The following EYA1 variants were observed in gnomAD, a reference collection of about 807,000 sequenced individuals.
EYA1 encodes EYA transcriptional coactivator and phosphatase 1.
EYA1 carries 16 observed loss-of-function variants against 82.0 expected under a neutral mutation model. That is an observed-to-expected ratio of 0.20 (90% CI 0.13 to 0.30). The LOEUF is 0.30. Among genes scored for constraint, EYA1 ranks in the 10% least tolerant of loss-of-function variants. The pLI is 1.00. For synonymous variants in EYA1, 261 were observed against 264.4 expected (o/e 0.99, Z 0.12); for missense variants, 633 against 730.7 (o/e 0.87, Z 1.54).
chr8:71,444,038 A>G (rs144458860), intron 2 of EYA1, among the ~76,000 whole-genome samples: 1 of 152,212 alleles, frequency 6.6e-6, no homozygotes, highest in African/African-American at 2.4e-5. Context: ...TCCTATAAAG[A>G]TCTACCGACT....
intron 2 of EYA1, among the ~76,000 whole-genome samples, chr8:71,416,280 G>A (rs893772471): frequency 6.6e-6 from 1 of 152,178 alleles, no homozygotes; most frequent in Non-Finnish European, 1.5e-5. Context: ...CAGTACTATT[G>A]GGACATCCCA....
At chr8:71,230,922 G>C (rs944875790) in intron 12 of EYA1, among the ~76,000 whole-genome samples, 3 of 152,158 alleles carry the variant, frequency 2.0e-5, no homozygotes, top group African/African-American at 7.2e-5. Flanking sequence ...ATGGCTTCCA[G>C]CTTCTGTTTT....
chr8:71,470,948 A>G, intron 2 of EYA1: 1 of 440,598 alleles, frequency 2.3e-6, no homozygotes, highest in Non-Finnish European at 4.5e-6. Flanking sequence ...AAAAAAAAGG[A>G]AAAAGGGGAG....
upstream of EYA1, among the ~76,000 whole-genome samples, chr8:71,364,748 A>G (rs1294418086): frequency 6.6e-6 from 1 of 151,788 alleles, no homozygotes; most frequent in Non-Finnish European, 1.5e-5. Context: ...GAAATATTCA[A>G]CTGATATGAA....
At chr8:71,537,812 G>A (rs1814828753) in intron 1 of EYA1, among the ~76,000 whole-genome samples, 1 of 152,040 alleles carries the variant, frequency 6.6e-6, no homozygotes, top group African/African-American at 2.4e-5. Flanking sequence ...ACAGTTTAAG[G>A]TATTAAGAAT....
At chr8:71,300,227 A>G (rs1348953130) in intron 7 of EYA1, among the ~76,000 whole-genome samples, 1 of 152,158 alleles carries the variant, frequency 6.6e-6, no homozygotes, top group Non-Finnish European at 1.5e-5. Flanking sequence ...CACCTGATAA[A>G]TTTGACACAA....
chr8:71,434,109 A>G (rs1017834083), intron 2 of EYA1, among the ~76,000 whole-genome samples: 1 of 152,180 alleles, frequency 6.6e-6, no homozygotes, highest in African/African-American at 2.4e-5. Flanking sequence ...GATAACTCTA[A>G]GATTCTGTTT....
At chr8:71,352,622 A>G (rs916032405) in intron 3 of EYA1, among the ~76,000 whole-genome samples, 2 of 152,212 alleles carry the variant, frequency 1.3e-5, no homozygotes, top group African/African-American at 4.8e-5. Flanking sequence ...CCAAGACATA[A>G]AACAATTAAG....
chr8:71,456,806 C>A (rs971257853), intron 2 of EYA1, among the ~76,000 whole-genome samples: 1 of 151,966 alleles, frequency 6.6e-6, no homozygotes, highest in Non-Finnish European at 1.5e-5. Context: ...CCATAAAAAC[C>A]CTAGAAGAAA....
chr8:71,467,843 T>G (rs1330793133), intron 2 of EYA1, among the ~76,000 whole-genome samples: 2 of 152,218 alleles, frequency 1.3e-5, no homozygotes, highest in African/African-American at 4.8e-5. Context: ...TTAAATTTTC[T>G]GTAATACTTC....
intron 2 of EYA1, among the ~76,000 whole-genome samples, chr8:71,371,073 C>A (rs1174248921): frequency 1.3e-5 from 2 of 152,242 alleles, no homozygotes; most frequent in East Asian, 3.9e-4. Context: ...CTCCCATCCC[C>A]AACATTTTAG....
chr8:71,334,609 C>G (rs1022611743), intron 3 of EYA1, among the ~76,000 whole-genome samples: 1 of 152,092 alleles, frequency 6.6e-6, no homozygotes, highest in African/African-American at 2.4e-5. Flanking sequence ...AGCAGGTCTT[C>G]CTGATGCTCA....
intron 2 of EYA1, among the ~76,000 whole-genome samples, chr8:71,376,360 G>A (rs778368324): frequency 6.6e-5 from 10 of 152,164 alleles, no homozygotes; most frequent in Non-Finnish European, 1.2e-4. Context: ...GCCAGATAAA[G>A]AGTGGGATTT....
intron 4 of EYA1, among the ~76,000 whole-genome samples, chr8:71,326,358 A>G (rs772185513): frequency 9.9e-5 from 15 of 152,020 alleles, no homozygotes; most frequent in Non-Finnish European, 2.2e-4. Context: ...CCCTTTTATC[A>G]TAAGTCCAGT....
intron 2 of EYA1, among the ~76,000 whole-genome samples, chr8:71,378,262 G>A (rs906144600): frequency 1.1e-4 from 17 of 151,998 alleles, no homozygotes; most frequent in Admixed American, 1.1e-3. Context: ...ATTAATAGAA[G>A]ATATGATGTA....
chr8:71,513,758 A>G (rs1244563702), intron 2 of EYA1, among the ~76,000 whole-genome samples: 3 of 151,978 alleles, frequency 2.0e-5, no homozygotes, highest in Non-Finnish European at 4.4e-5. Flanking sequence ...CCAGCTCCTC[A>G]CTATGCTTCC....
chr8:71,299,757 C>A lies in EYA1; in HGVS notation c.557-37G>T, dbSNP rs762431635. On this transcript the variant is annotated intron_variant, in intron 7 of 17. Transcript: ENST00000340726. Reference sequence around the variant, plus strand: ...TGAAAAGAAATACGATTATACCAGGCTTGTGGAATAATGTGGGTACAGGAA... The same window carrying A: ...TGAAAAGAAATACGATTATACCAGGATTGTGGAATAATGTGGGTACAGGAA... The A allele has an allele frequency of 4.5e-6, 5 of 1,099,750 alleles. No individual in the cohort carries two copies. The South Asian group carries it at 6.2e-5, about 14-fold the overall frequency. 68.1% of individuals were successfully genotyped at this position (1,099,750 alleles called of 1,614,324 possible).
intron 7 of EYA1, among the ~76,000 whole-genome samples, chr8:71,305,830 G>T (rs1222536029): frequency 6.6e-6 from 1 of 151,832 alleles, no homozygotes; most frequent in Admixed American, 6.6e-5. Flanking sequence ...TTTTAAAGTT[G>T]ATTATTTTTA....
At chr8:71,469,154 T>C (rs1204182779) in intron 2 of EYA1, among the ~76,000 whole-genome samples, 1 of 138,436 alleles carries the variant, frequency 7.2e-6, no homozygotes, top group African/African-American at 3.0e-5. Flanking sequence ...ACATGTTAAA[T>C]ACAGACATAA....
Sources: allele counts gnomAD v4.1 joint callset (sites outside exome capture counted in the v4.1 genomes callset), GRCh38; gene constraint gnomAD v4.1.1; transcripts MANE v1.5; gene names NCBI Gene and HGNC (gene_info 2026-07-23, HGNC 2026-07-21).